Variants in NCKAP5 observed in about 807,000 individuals in gnomAD.
The protein encoded by NCKAP5 is nck-associated protein 5.
NCKAP5 carries 92 observed loss-of-function variants against 167.0 expected under a neutral mutation model. The ratio of observed to expected loss-of-function variants is 0.55; its 90% CI spans 0.47 to 0.66. The LOEUF (loss-of-function observed/expected upper bound fraction) is 0.66, where lower values mean the gene tolerates loss of function less well. NCKAP5 is among the 30% of genes least tolerant of loss of function. The pLI is 0.00. For synonymous variants in NCKAP5, 891 were observed against 877.4 expected (o/e 1.02, Z -0.27); for missense variants, 2,378 against 2,315.0 (o/e 1.03, Z -0.56).
Position 133,263,363 on chromosome 2 carries a change from G to A in NCKAP5, c.143+39674C>T, listed in dbSNP as rs1182188366. 1.3e-5 allele frequency among the ~76,000 whole-genome samples: 2 copies of A among 151,330 alleles called. 1 individual carries two copies. Among genetic ancestry groups the A allele is most frequent in the South Asian group, 4.2e-4 (2 of 4,778 alleles). On this transcript the variant is annotated intron_variant, in intron 4 of 19. Transcript: ENST00000409261. ...ATTAAACAATAAAAAGCTCCCTTGG[G>A]CATCTTGAACCTTCCTCATAACAGA...
intron 19 of NCKAP5, among the ~76,000 whole-genome samples, chr2:132,715,468 T>G (rs1391417176): frequency 1.3e-5 from 2 of 152,160 alleles, no homozygotes; most frequent in African/African-American, 4.8e-5. Flanking sequence ...TGACTACATT[T>G]TTTTTCTCCA....
At chr2:133,162,476 G>T (rs2083833998) in intron 5 of NCKAP5, among the ~76,000 whole-genome samples, 1 of 151,936 alleles carries the variant, frequency 6.6e-6, no homozygotes, top group Non-Finnish European at 1.5e-5. Flanking sequence ...ATTTGTTTTT[G>T]AAAAAAGAAG....
At chr2:133,164,651 C>T (rs2083929600) in intron 5 of NCKAP5, among the ~76,000 whole-genome samples, 2 of 152,272 alleles carry the variant, frequency 1.3e-5, no homozygotes, top group East Asian at 3.9e-4. Flanking sequence ...AAGTTCTTGC[C>T]ACTTTCCTTG....
intron 8 of NCKAP5, among the ~76,000 whole-genome samples, chr2:132,948,372 T>C (rs891434148): frequency 1.3e-5 from 2 of 152,134 alleles, no homozygotes; most frequent in Non-Finnish European, 2.9e-5. Flanking sequence ...ACCCAACTAG[T>C]TGCAGAGAGA....
At chr2:133,258,694 C>G (rs79766053) in intron 4 of NCKAP5, among the ~76,000 whole-genome samples, 1 of 150,972 alleles carries the variant, frequency 6.6e-6, no homozygotes, top group Non-Finnish European at 1.5e-5. Flanking sequence ...TGCAGTGAGC[C>G]GAGATTGTGC....
At chr2:133,195,509 G>C (rs1231493256) in intron 5 of NCKAP5, among the ~76,000 whole-genome samples, 2 of 152,058 alleles carry the variant, frequency 1.3e-5, no homozygotes, top group African/African-American at 4.8e-5. Context: ...TAGGCAAAAG[G>C]TATTTGGATG....
intron 11 of NCKAP5, among the ~76,000 whole-genome samples, chr2:132,805,437 A>G (rs1364543349): frequency 6.6e-6 from 1 of 152,228 alleles, no homozygotes; most frequent in Non-Finnish European, 1.5e-5. Flanking sequence ...ATAGAATTAA[A>G]AAATAATTAC....
At chr2:133,112,146 T>C (rs994953830) in intron 6 of NCKAP5, among the ~76,000 whole-genome samples, 6 of 152,180 alleles carry the variant, frequency 3.9e-5, no homozygotes, top group South Asian at 2.1e-4. Flanking sequence ...TCTTATGACC[T>C]TAGCCCTCTG....
chr2:133,263,197 C>G (rs1369082077), intron 4 of NCKAP5, among the ~76,000 whole-genome samples: 1 of 150,424 alleles, frequency 6.6e-6, no homozygotes, highest in African/African-American at 2.5e-5. Context: ...TAGCTCTAAA[C>G]TAAAATGCTG....
chr2:132,744,994 C>T (rs1266355105), intron 16 of NCKAP5, among the ~76,000 whole-genome samples: 1 of 151,590 alleles, frequency 6.6e-6, no homozygotes, highest in Non-Finnish European at 1.5e-5. Flanking sequence ...ATATTATAGG[C>T]CTAGATGTCT....
chr2:133,308,079 A>AT (rs60111877), intron 3 of NCKAP5, among the ~76,000 whole-genome samples: 7,759 of 89,402 alleles, frequency 0.087, 1,343 homozygotes, highest in Non-Finnish European at 0.13. Context: ...TTATTGTTCT[A>AT]TTTTTTTTTT....
intron 3 of NCKAP5, among the ~76,000 whole-genome samples, chr2:133,345,458 T>C (rs769753873): frequency 8.5e-5 from 13 of 152,194 alleles, no homozygotes; most frequent in Admixed American, 1.3e-4. Flanking sequence ...AACTGGGTAT[T>C]TGATGTTCAG....
intron 5 of NCKAP5, among the ~76,000 whole-genome samples, chr2:133,208,705 T>C (rs1005957681): frequency 6.6e-6 from 1 of 152,184 alleles, no homozygotes; most frequent in African/African-American, 2.4e-5. Flanking sequence ...TCATCAACTA[T>C]GACAAGTGTA....
At chr2:133,535,747 ATTCCCACC>A (rs1685712203) in intron 2 of NCKAP5, among the ~76,000 whole-genome samples, 1 of 152,148 alleles carries the variant, frequency 6.6e-6, no homozygotes, top group Non-Finnish European at 1.5e-5. Context: ...ACTAATTTTC[ATTCCCACC>A]AACAGTGTAA....
At chr2:133,281,684 C>T (rs1286877846) in intron 4 of NCKAP5, among the ~76,000 whole-genome samples, 1 of 152,082 alleles carries the variant, frequency 6.6e-6, no homozygotes, top group Non-Finnish European at 1.5e-5. Flanking sequence ...TATTTTTGGC[C>T]TGTGTAGGCA....
At chr2:133,216,083 A>G (rs2086416580) in intron 4 of NCKAP5, among the ~76,000 whole-genome samples, 1 of 152,146 alleles carries the variant, frequency 6.6e-6, no homozygotes, top group South Asian at 2.1e-4. Context: ...AAACACTGCT[A>G]AGAAGGATTA....
At chr2:133,296,891 T>C (rs1680000336) in intron 4 of NCKAP5, among the ~76,000 whole-genome samples, 1 of 152,194 alleles carries the variant, frequency 6.6e-6, no homozygotes. Context: ...GCCATAAGCA[T>C]TCATAAATTC....
intron 10 of NCKAP5, among the ~76,000 whole-genome samples, chr2:132,860,925 T>C (rs1457846188): frequency 6.6e-6 from 1 of 152,220 alleles, no homozygotes; most frequent in Non-Finnish European, 1.5e-5. Flanking sequence ...ATTTTGCCTT[T>C]TCACTGTCTT....
chr2:133,440,291 T>C (rs1559486059), intron 3 of NCKAP5, among the ~76,000 whole-genome samples: 1 of 152,180 alleles, frequency 6.6e-6, no homozygotes, highest in Admixed American at 6.5e-5. Flanking sequence ...ATTTGTAGTA[T>C]AGGCATAAAA....
Sources: gnomAD v4.1 joint callset for allele counts (sites outside exome capture counted in the v4.1 genomes callset) on GRCh38, gnomAD v4.1.1 for gene constraint, MANE v1.5 for transcripts, NCBI Gene and HGNC (gene_info 2026-07-23, HGNC 2026-07-21) for gene names.